The following SLC35F4 variants were observed in gnomAD, a reference collection of about 807,000 sequenced individuals.
SLC35F4 encodes chromosome 14 open reading frame 36.
In SLC35F4, 24 loss-of-function variants were observed where a neutral mutation model predicts 44.2. The ratio of observed to expected loss-of-function variants is 0.54; its 90% confidence interval spans 0.39 to 0.76. SLC35F4 has a LOEUF of 0.76. SLC35F4 is among the 30% of genes least tolerant of loss of function. The pLI is 0.00. For synonymous variants in SLC35F4, 238 were observed against 223.6 expected, an observed-to-expected ratio of 1.06 and a Z score of -0.57; for missense variants, 562 against 586.1, an observed-to-expected ratio of 0.96 and a Z score of 0.42.
intron 1 of SLC35F4, among the ~76,000 whole-genome samples, chr14:57,703,491 T>C (rs1310044125): frequency 3.9e-5 from 6 of 152,198 alleles, no homozygotes; most frequent in African/African-American, 1.4e-4. Context: ...TCACCTACGC[T>C]GTCCAAAGGG....
At chr14:57,640,057 C>T (rs1337900509) in intron 1 of SLC35F4, among the ~76,000 whole-genome samples, 1 of 151,954 alleles carries the variant, frequency 6.6e-6, no homozygotes, top group Non-Finnish European at 1.5e-5. Flanking sequence ...CTTTGAATAT[C>T]ACAACTTATA....
rs757231220 is a variant in SLC35F4, at chr14:57,901,393, C to T, written n.282+80520G>A. The stretch of plus-strand genomic sequence containing the variant: ...CAGAGACATGGATGGAGCTGGAAGC[C>T]GTTATTGCCAGCAAACTAATGCAGG... On this transcript the variant is annotated intron_variant and non_coding_transcript_variant, in intron 1 of 1. Transcript: ENST00000556568. Among the ~76,000 whole-genome samples, 6 of 152,282 alleles carry T rather than the reference C, an allele frequency of 3.9e-5. No homozygotes were observed. The South Asian group carries it at 1.2e-3, about 32-fold the overall frequency.
chr14:57,687,007 C>T (rs924940856), intron 1 of SLC35F4, among the ~76,000 whole-genome samples: 1 of 151,884 alleles, frequency 6.6e-6, no homozygotes, highest in African/African-American at 2.4e-5. Context: ...TAACTGGTGT[C>T]CTTACAAGAA....
chr14:57,981,281 C>T (rs1881373364), intron 1 of SLC35F4, among the ~76,000 whole-genome samples: 1 of 152,172 alleles, frequency 6.6e-6, no homozygotes, highest in African/African-American at 2.4e-5. Context: ...TCCCACGTGG[C>T]AGAGACTGAT....
intron 1 of SLC35F4, among the ~76,000 whole-genome samples, chr14:57,618,772 G>A (rs2072007435): frequency 6.6e-6 from 1 of 152,194 alleles, no homozygotes; most frequent in African/African-American, 2.4e-5. Context: ...ACAGAACCCA[G>A]CAAGCTAAGA....
At chr14:57,902,875 C>T (rs1889034471) in intron 1 of SLC35F4, among the ~76,000 whole-genome samples, 1 of 152,190 alleles carries the variant, frequency 6.6e-6, no homozygotes, top group Admixed American at 6.5e-5. Context: ...TCTCTCCTTT[C>T]CTTCAAGTCT....
chr14:57,928,482 T>C (rs1158053655), intron 1 of SLC35F4, among the ~76,000 whole-genome samples: 1 of 152,158 alleles, frequency 6.6e-6, no homozygotes, highest in Non-Finnish European at 1.5e-5. Context: ...TGAGGAACAC[T>C]TTTTCCTCGG....
intron 1 of SLC35F4, among the ~76,000 whole-genome samples, chr14:57,826,745 CAT>C (rs1369935579): frequency 5.3e-5 from 8 of 151,260 alleles, no homozygotes; most frequent in Admixed American, 2.6e-4. Context: ...GGCCAGCAAA[CAT>C]GTGAAAAAAA....
chr14:57,867,602 A>C (rs76878272), upstream of SLC35F4, among the ~76,000 whole-genome samples: 46 of 148,076 alleles, frequency 3.1e-4, no homozygotes, highest in Middle Eastern at 3.4e-3. Flanking sequence ...ATGCCTTTAC[A>C]CCCCCCCCCA....
chr14:57,752,657 C>T (rs2076912836), intron 1 of SLC35F4, among the ~76,000 whole-genome samples: 1 of 152,044 alleles, frequency 6.6e-6, no homozygotes, highest in African/African-American at 2.4e-5. Context: ...GATGGAGTTT[C>T]ACCACGTTGG....
At chr14:57,931,686 T>C (rs1254115268) in intron 1 of SLC35F4, among the ~76,000 whole-genome samples, 1 of 152,236 alleles carries the variant, frequency 6.6e-6, no homozygotes, top group East Asian at 1.9e-4. Flanking sequence ...AGAGCTCCAA[T>C]TGCTGGAGAT....
At chr14:57,839,128 T>C (rs1202984620) in intron 1 of SLC35F4, among the ~76,000 whole-genome samples, 1 of 152,112 alleles carries the variant, frequency 6.6e-6, no homozygotes, top group African/African-American at 2.4e-5. Flanking sequence ...GGGCTTAAAA[T>C]CTAGTATCCA....
intron 1 of SLC35F4, among the ~76,000 whole-genome samples, chr14:57,757,693 TATC>T (rs2077026146): frequency 6.6e-6 from 1 of 152,186 alleles, no homozygotes; most frequent in Non-Finnish European, 1.5e-5. Flanking sequence ...ATGCAATTTT[TATC>T]ATCATTCTTA....
intron 1 of SLC35F4, among the ~76,000 whole-genome samples, chr14:57,780,183 C>G (rs368734686): frequency 3.3e-5 from 5 of 152,218 alleles, no homozygotes; most frequent in African/African-American, 1.2e-4. Flanking sequence ...ATCTAGAAAA[C>G]CCCATAGTCT....
chr14:57,779,408 A>C (rs2077565819), intron 1 of SLC35F4, among the ~76,000 whole-genome samples: 1 of 152,206 alleles, frequency 6.6e-6, no homozygotes, highest in South Asian at 2.1e-4. Flanking sequence ...TCCTGGGTAC[A>C]TACGCCCTCC....
chr14:57,569,663 T>C (rs2068386856), intron 6 of SLC35F4, 125 bp downstream of exon 6: 1 of 1,113,164 alleles, frequency 9.0e-7, no homozygotes, highest in Admixed American at 3.4e-5. Context: ...ACCAACGACA[T>C]TGAACAACAT....
downstream of SLC35F4, among the ~76,000 whole-genome samples, chr14:57,974,866 T>C (rs966877967): frequency 3.9e-5 from 6 of 152,220 alleles, no homozygotes; most frequent in African/African-American, 1.4e-4. Context: ...ATTATCATCA[T>C]TATGCTTGAT....
intron 1 of SLC35F4, among the ~76,000 whole-genome samples, chr14:57,910,884 C>T (rs1889204607): frequency 6.6e-6 from 1 of 152,008 alleles, no homozygotes; most frequent in Non-Finnish European, 1.5e-5. Context: ...TATAACAATA[C>T]TGAGTCATCC....
intron 1 of SLC35F4, among the ~76,000 whole-genome samples, chr14:57,853,047 G>A (rs1331153049): frequency 6.6e-6 from 1 of 152,142 alleles, no homozygotes; most frequent in Non-Finnish European, 1.5e-5. Flanking sequence ...CATGTTAAAT[G>A]TCATCCTCAA....
Sources: gnomAD v4.1 joint callset for allele counts (sites outside exome capture counted in the v4.1 genomes callset) on GRCh38, gnomAD v4.1.1 for gene constraint, MANE v1.5 for transcripts, NCBI Gene and HGNC (gene_info 2026-07-23, HGNC 2026-07-21) for gene names.